The following RBM26 variants were observed in gnomAD, a reference collection of about 807,000 sequenced individuals.
RBM26 encodes RNA binding motif protein 26.
Under a neutral mutation model 123.6 loss-of-function variants are expected in RBM26, and 30 were observed. The ratio of observed to expected loss-of-function variants is 0.24; its 90% CI spans 0.18 to 0.33. The LOEUF is 0.33. Ranked by LOEUF, RBM26 falls within the 10% of genes least tolerant of loss-of-function variation. RBM26 has a pLI of 1.00. For synonymous variants in RBM26, 400 were observed against 404.4 expected (o/e 0.99, Z 0.13); for missense variants, 947 against 1,203.6 (o/e 0.79, Z 3.15).
At chr13:79,330,164 C>A (rs1444134059) in intron 20 of RBM26, among the ~76,000 whole-genome samples, 1 of 152,122 alleles carries the variant, frequency 6.6e-6, no homozygotes, top group African/African-American at 2.4e-5. Context: ...AGTTTTAAAG[C>A]TGAAATAGTT....
At chr13:79,373,197 T>A (rs1213778843) in intron 3 of RBM26, among the ~76,000 whole-genome samples, 2 of 108,012 alleles carry the variant, frequency 1.9e-5, no homozygotes. Context: ...ATATATAAAA[T>A]ATATAAAAAT....
rs1307181567 is a variant in RBM26, at chr13:79,378,970, A to C, written c.72-63T>G. ...ACTGCACATTCTACAAATTCCAGTT[A>C]CAAACTGAATTAGTGAGAATAATAG... On this transcript the variant is annotated intron_variant, in intron 1 of 21. Coordinates refer to ENST00000438737, the MANE Select transcript of RBM26 (RefSeq NM_001366735.2). 4.0e-6 allele frequency: 4 copies of C among 998,672 alleles called. No homozygotes were observed. The Admixed American group carries it at 8.2e-5, about 20-fold the overall frequency. 61.9% of individuals were successfully genotyped at this position (998,672 alleles called of 1,614,324 possible).
At chr13:79,315,029 A>G, downstream of RBM26, 1 of 1,214,490 alleles carries the variant, frequency 8.2e-7, no homozygotes, top group Non-Finnish European at 1.1e-6. Flanking sequence ...AAAACTTTGA[A>G]AATAGCAAAT....
chr13:79,395,231 A>G (rs1177165622), intron 1 of RBM26, among the ~76,000 whole-genome samples: 1 of 152,228 alleles, frequency 6.6e-6, no homozygotes, highest in East Asian at 1.9e-4. Flanking sequence ...ACATACTCAG[A>G]GACTGTCCAG....
chr13:79,379,663 A>G (rs559535046), intron 1 of RBM26, among the ~76,000 whole-genome samples: 1 of 151,986 alleles, frequency 6.6e-6, no homozygotes, highest in Non-Finnish European at 1.5e-5. Flanking sequence ...CACAAAATCC[A>G]TATTATCAAA....
At chr13:79,314,978 T>C (rs1175860566), downstream of RBM26, 6 of 1,301,396 alleles carry the variant, frequency 4.6e-6, no homozygotes, top group East Asian at 3.3e-4. Flanking sequence ...ATTCAGGCAA[T>C]GATGATCTCT....
intron 20 of RBM26, among the ~76,000 whole-genome samples, chr13:79,330,728 A>AAT (rs2069162213): frequency 6.6e-6 from 1 of 152,102 alleles, no homozygotes; most frequent in Non-Finnish European, 1.5e-5. Context: ...ATAATTATAT[A>AAT]ATATATATGA....
intron 20 of RBM26, among the ~76,000 whole-genome samples, chr13:79,326,168 A>AT (rs2068382167): frequency 6.6e-6 from 1 of 152,240 alleles, no homozygotes; most frequent in Non-Finnish European, 1.5e-5. Context: ...ACATGATTGT[A>AT]TAAACTTAGG....
chr13:79,322,554 G>C, intron 20 of RBM26, 92 bp from the exon 21 acceptor site: 1 of 767,686 alleles, frequency 1.3e-6, no homozygotes. Flanking sequence ...AATTAAAATA[G>C]CTAAAGACAA....
Position 79,371,134 on chromosome 13 carries a change from G to A in RBM26, c.445C>T (p.Arg149Cys), listed in dbSNP as rs1315057398. Residue 149 changes from arginine (R) to cysteine (C), a missense_variant, in exon 5 of 22, where the codon CGT (arginine) becomes TGT (cysteine). By Grantham distance (180) the Arg-to-Cys change is radical. This residue lies in a region of RBM26 where 275 missense variants were observed against 361.0 expected (regional missense o/e 0.76). Coordinates refer to ENST00000438737, the MANE Select transcript of RBM26 (RefSeq NM_001366735.2). ...RSRDERKKDD[R>C]SRKRDYDRNP... ...CGATCATAATCTCTTTTGCGAGAAC[G>A]ATCATCTTTTTTCCTCTCATCACGG... 4 of 1,613,930 alleles carry A rather than the reference G, an allele frequency of 2.5e-6. No individual in the cohort carries two copies. The highest frequency in any genetic ancestry group is 2.2e-5 in the East Asian group (1 of 44,870).
chr13:79,398,203 G>C (rs2078757972), intron 1 of RBM26, among the ~76,000 whole-genome samples: 1 of 152,134 alleles, frequency 6.6e-6, no homozygotes, highest in Admixed American at 6.6e-5. Context: ...AAGGAAGCAA[G>C]AAGAGGGAAA....
At chr13:79,397,700 A>G (rs1402304932) in intron 1 of RBM26, among the ~76,000 whole-genome samples, 5 of 150,798 alleles carry the variant, frequency 3.3e-5, no homozygotes, top group East Asian at 1.9e-4. Flanking sequence ...AAAAAAAAAA[A>G]AAAGAAATGA....
Position 79,405,783 on chromosome 13 carries a change from G to A in RBM26, c.-9C>T. 3 of 1,547,348 alleles carry A rather than the reference G, an allele frequency of 1.9e-6. No homozygotes were observed. Among genetic ancestry groups the A allele is most frequent in the South Asian group, 1.2e-5 (1 of 84,228 alleles). On this transcript the variant is annotated 5_prime_UTR_variant, in exon 1 of 22. Transcript: ENST00000438737. ...ATCATTTTAGAAACCATCCACAGCG[G>A]CCCTAAGGCCCGTCACACTCCTCCG... is the stretch of plus-strand genomic sequence containing the variant.
At chr13:79,337,799 TACC>T (rs71758385) in intron 18 of RBM26, among the ~76,000 whole-genome samples, 76,741 of 151,830 alleles carry the variant, frequency 0.51, 19,776 homozygotes, top group Middle Eastern at 0.6. Flanking sequence ...ACTGATATTC[TACC>T]ACATTATTCT....
chr13:79,366,260 T>A, intron 7 of RBM26, 65 bp from the exon 8 acceptor site: 1 of 1,510,368 alleles, frequency 6.6e-7, no homozygotes, highest in Non-Finnish European at 9.0e-7. Flanking sequence ...TTATTGCACA[T>A]CCGAACATAA....
chr13:79,392,756 T>C (rs1390509107), intron 1 of RBM26, among the ~76,000 whole-genome samples: 1 of 149,622 alleles, frequency 6.7e-6, no homozygotes, highest in Non-Finnish European at 1.5e-5. Context: ...ACTACAAAAC[T>C]GTAGTATTTT....
At chr13:79,396,109 C>G (rs2078538488) in intron 1 of RBM26, among the ~76,000 whole-genome samples, 2 of 152,126 alleles carry the variant, frequency 1.3e-5, no homozygotes, top group South Asian at 4.1e-4. Flanking sequence ...AGACACATTA[C>G]ATTCAGGAGA....
chr13:79,365,552 C>A, intron 9 of RBM26, 26 bp downstream of exon 9: 2 of 1,579,278 alleles, frequency 1.3e-6, no homozygotes, highest in Admixed American at 1.7e-5. Flanking sequence ...ATGAAAATGA[C>A]AGGAAGGAAA....
chr13:79,314,865 C>T (rs1489654467), downstream of RBM26: 10 of 622,494 alleles, frequency 1.6e-5, no homozygotes, highest in African/African-American at 2.0e-5. Flanking sequence ...ATGTAAACAT[C>T]TGTTCAAATT....
Sources: allele counts gnomAD v4.1 joint callset (sites outside exome capture counted in the v4.1 genomes callset), GRCh38; gene constraint gnomAD v4.1.1; regional missense constraint gnomAD v4.1.1; transcripts MANE v1.5; gene names NCBI Gene and HGNC (gene_info 2026-07-23, HGNC 2026-07-21).